Variants in PDE4D observed in about 807,000 individuals in gnomAD.
PDE4D encodes the protein 3',5'-cyclic-AMP phosphodiesterase 4D.
In PDE4D, 24 loss-of-function variants were observed where a neutral mutation model predicts 87.4. The observed-to-expected ratio is 0.27, with a 90% CI of 0.20 to 0.39. The LOEUF (loss-of-function observed/expected upper bound fraction) is 0.39. Ranked by LOEUF, PDE4D falls within the 10% of genes least tolerant of loss-of-function variation. The pLI, the probability that PDE4D is intolerant of heterozygous loss-of-function variation, is 1.00. For missense variants in PDE4D, 714 were observed against 1,041.0 expected (o/e 0.69, Z 4.32); for synonymous variants, 384 against 383.2 (o/e 1.00, Z -0.02).
intron 2 of PDE4D, among the ~76,000 whole-genome samples, chr5:60,007,320 A>G (rs1421965129): frequency 6.6e-6 from 1 of 152,044 alleles, no homozygotes; most frequent in Non-Finnish European, 1.5e-5. Flanking sequence ...TTGTAAGTTA[A>G]ATTACAAATA....
chr5:60,144,609 T>C (rs1780838726), intron 2 of PDE4D, among the ~76,000 whole-genome samples: 1 of 152,216 alleles, frequency 6.6e-6, no homozygotes, highest in African/African-American at 2.4e-5. Flanking sequence ...GGAGTCCTCC[T>C]CAATGTTCCA....
chr5:59,792,203 G>C (rs2152648760), intron 1 of PDE4D, among the ~76,000 whole-genome samples: 1 of 152,244 alleles, frequency 6.6e-6, no homozygotes, highest in African/African-American at 2.4e-5. Context: ...AATTAAGGAT[G>C]GGCAATAGGA....
intron 1 of PDE4D, among the ~76,000 whole-genome samples, chr5:59,269,937 A>G (rs1027733069): frequency 1.1e-4 from 16 of 152,048 alleles, no homozygotes; most frequent in Non-Finnish European, 2.1e-4. Context: ...ATTTTACAGG[A>G]CAGTAGACTT....
intron 1 of PDE4D, chr5:59,529,039 G>T: frequency 2.1e-6 from 1 of 465,652 alleles, no homozygotes. Flanking sequence ...ACCACCAAGG[G>T]CTCATCGAAG....
chr5:58,974,790 A>G lies in PDE4D; in HGVS notation c.2304T>C (p.Leu768=). The G allele has an allele frequency of 6.2e-7, 1 of 1,613,664 alleles. No individual in the cohort carries two copies. The highest frequency in any genetic ancestry group is 8.5e-7 in the Non-Finnish European group (1 of 1,179,644). Reference sequence around the variant, plus strand: ...CAGTAGACTCTGAGTCTTGAGTACAAAGAGTCTTGGAGTCACTGCAGCTAG... The same window carrying G: ...CAGTAGACTCTGAGTCTTGAGTACAGAGAGTCTTGGAGTCACTGCAGCTAG... ...EDTSCSDSKT[L]CTQDSESTEI... Residue 768 remains leucine (L), a synonymous_variant, in exon 15 of 15, where the codon CTT becomes CTC. Coordinates refer to ENST00000340635, the MANE Select transcript of PDE4D (RefSeq NM_001104631.2).
chr5:60,039,681 A>C (rs1768241185), intron 2 of PDE4D, among the ~76,000 whole-genome samples: 1 of 152,136 alleles, frequency 6.6e-6, no homozygotes, highest in Admixed American at 6.5e-5. Context: ...GAGACCATAT[A>C]ATCCCATGTC....
At chr5:60,230,580 C>A (rs2149623936) in intron 1 of PDE4D, among the ~76,000 whole-genome samples, 1 of 152,222 alleles carries the variant, frequency 6.6e-6, no homozygotes, top group African/African-American at 2.4e-5. Context: ...CTGATTTTAA[C>A]TGAGGTTGAC....
chr5:60,209,719 G>T (rs1258701733), intron 1 of PDE4D, among the ~76,000 whole-genome samples: 2 of 151,820 alleles, frequency 1.3e-5, no homozygotes, highest in Non-Finnish European at 2.9e-5. Flanking sequence ...GGGAGGAGAG[G>T]AAAAGAGGGA....
chr5:60,253,080 C>A (rs1472726306), intron 1 of PDE4D, among the ~76,000 whole-genome samples: 1 of 151,756 alleles, frequency 6.6e-6, no homozygotes, highest in African/African-American at 2.4e-5. Context: ...CAAAAAAGAC[C>A]AAAGAACATC....
In PDE4D at chr5:59,229,899, AG is replaced by A. The variant is rs111529800; in HGVS notation, c.456-13932del. Among the ~76,000 whole-genome samples, 24 of 152,256 alleles carry A rather than the reference AG, an allele frequency of 1.6e-4. 2 individuals are homozygous for A. The highest frequency in any genetic ancestry group is 5.8e-4 in the African/African-American group (24 of 41,538). On this transcript the variant is annotated intron_variant, in intron 1 of 14. Transcript: ENST00000340635. The stretch of plus-strand genomic sequence containing the variant: ...CTGCAACCTCCGCCTCCCGCGTTCA[AG>A]TGATTCTCCTGCCTCAGGCCCCCGA...
chr5:60,305,760 T>C (rs1051898063), intron 1 of PDE4D, among the ~76,000 whole-genome samples: 7 of 151,088 alleles, frequency 4.6e-5, no homozygotes, highest in African/African-American at 1.7e-4. Context: ...TAAGAAAATG[T>C]TGTAGCCCAT....
intron 1 of PDE4D, among the ~76,000 whole-genome samples, chr5:60,481,120 T>C (rs1252889301): frequency 1.3e-5 from 2 of 152,160 alleles, no homozygotes; most frequent in African/African-American, 2.4e-5. Flanking sequence ...AGTAGCTTGA[T>C]TGTAAATTTG....
intron 5 of PDE4D, chr5:59,125,251 A>G (rs940761257): frequency 1.4e-5 from 14 of 983,516 alleles, no homozygotes; most frequent in South Asian, 4.7e-5. Context: ...CTTCTTCCCT[A>G]TGAAGTACAG....
intron 1 of PDE4D, among the ~76,000 whole-genome samples, chr5:59,409,615 A>C (rs1293994549): frequency 6.6e-6 from 1 of 151,468 alleles, no homozygotes; most frequent in Admixed American, 6.6e-5. Context: ...TGAGACACCT[A>C]CTCCCCTTTT....
intron 2 of PDE4D, among the ~76,000 whole-genome samples, chr5:60,185,254 C>T (rs968379816): frequency 5.3e-5 from 8 of 152,102 alleles, no homozygotes; most frequent in African/African-American, 1.9e-4. Flanking sequence ...TATATTTTGA[C>T]TTTTAATCAT....
At chr5:59,252,375 C>G (rs1760120400) in intron 1 of PDE4D, among the ~76,000 whole-genome samples, 1 of 152,118 alleles carries the variant, frequency 6.6e-6, no homozygotes, top group African/African-American at 2.4e-5. Flanking sequence ...GGTTGGAGCA[C>G]TGGCTCTGCA....
At chr5:59,825,536 T>A (rs1770223200) in intron 1 of PDE4D, among the ~76,000 whole-genome samples, 1 of 152,112 alleles carries the variant, frequency 6.6e-6, no homozygotes, top group African/African-American at 2.4e-5. Flanking sequence ...CCCCCAGGTG[T>A]TTAGTTCTTG....
At chr5:58,987,477 TC>T in intron 11 of PDE4D, among the ~76,000 whole-genome samples, 1 of 152,156 alleles carries the variant, frequency 6.6e-6, no homozygotes, top group Non-Finnish European at 1.5e-5. Flanking sequence ...AGGTAAATAA[TC>T]CTAAAGCTCT....
intron 1 of PDE4D, among the ~76,000 whole-genome samples, chr5:59,345,755 C>T (rs904406249): frequency 9.9e-5 from 15 of 152,090 alleles, no homozygotes; most frequent in African/African-American, 2.2e-4. Flanking sequence ...ACTTTGGGGG[C>T]GACATAAATG....
Sources: gnomAD v4.1 joint callset for allele counts (sites outside exome capture counted in the v4.1 genomes callset) on GRCh38, gnomAD v4.1.1 for gene constraint, MANE v1.5 for transcripts, NCBI Gene and HGNC (gene_info 2026-07-23, HGNC 2026-07-21) for gene names.